AIF1L: variants seen among roughly 807,000 people sequenced by gnomAD.
AIF1L encodes allograft inflammatory factor 1-like.
Under a neutral mutation model 20.7 loss-of-function variants are expected in AIF1L, and 12 were observed. The ratio of observed to expected loss-of-function variants is 0.58; its 90% CI spans 0.37 to 0.94. AIF1L has a LOEUF of 0.94. AIF1L is among the 40% of genes least tolerant of loss of function. The pLI is 0.01. For synonymous variants in AIF1L, 76 were observed against 65.1 expected (o/e 1.17, Z -0.81); for missense variants, 173 against 185.3 (o/e 0.93, Z 0.39).
intron 2 of AIF1L, among the ~76,000 whole-genome samples, chr9:131,105,207 C>G (rs1830719524): frequency 6.6e-6 from 1 of 152,156 alleles, no homozygotes; most frequent in Non-Finnish European, 1.5e-5. Flanking sequence ...CTGGTGGAGT[C>G]CTGTTCCTGC....
chr9:131,096,995 T>C lies in AIF1L; in HGVS notation c.93+132T>C, dbSNP rs565735081. ...TCCCTTCCCCTGGGCTTCCCTCAGG[T>C]GCCTCCCTCCGCCCCCAGCCCCGTC... On this transcript the variant is annotated intron_variant, in intron 2 of 5. Coordinates refer to ENST00000247291, the MANE Select transcript of AIF1L (RefSeq NM_031426.4). The C allele has an allele frequency of 3.9e-5, 41 of 1,038,608 alleles. No individual in the cohort carries two copies. The Admixed American group carries it at 1.6e-3, about 39-fold the overall frequency. The allele number at this position is 1,038,608 out of a possible 1,614,324, so 64.3% of individuals were successfully genotyped here. A position where few individuals can be genotyped will look rare whatever the true frequency, so the allele number is the denominator to read the frequency against.
Position 131,121,372 on chromosome 9 carries a change from C to T in AIF1L, c.*1050C>T, listed in dbSNP as rs575517345. The T allele has an allele frequency of 2.3e-6, 1 of 444,314 alleles. No homozygotes were observed. Among genetic ancestry groups the T allele is most frequent in the Non-Finnish European group, 4.0e-6 (1 of 248,602 alleles). The allele number at this position is 444,314 out of a possible 1,614,324, so 27.5% of individuals were successfully genotyped here. ...ATGTTGTCCTGGCATGTGCAGTATA[C>T]ACGGTCTAACTCATCTCTCCCCAGA... is the stretch of plus-strand genomic sequence containing the variant. On this transcript the variant is annotated 3_prime_UTR_variant, in exon 6 of 6. Transcript: ENST00000247291.
At chr9:131,106,351 C>A in intron 2 of AIF1L, 3 of 1,005,986 alleles carry the variant, frequency 3.0e-6, no homozygotes, top group Non-Finnish European at 4.5e-6. Flanking sequence ...TACATTCTAG[C>A]CGGGGAGGCA....
At position 131,120,424 on chromosome 9, in the gene AIF1L, T is replaced by C. The variant is rs946371823; in HGVS notation, c.*102T>C. ...ATCTCTCTCTCTCTCATTTGTTTGGTCATTGAGGGTTTGTTTGTGTTTTCA... is the reference window on the plus strand; with the variant it reads ...ATCTCTCTCTCTCTCATTTGTTTGGCCATTGAGGGTTTGTTTGTGTTTTCA... On this transcript the variant is annotated 3_prime_UTR_variant, in exon 6 of 6. Coordinates refer to ENST00000247291, the MANE Select transcript of AIF1L (RefSeq NM_031426.4). The C allele has an allele frequency of 2.0e-6, 2 of 980,034 alleles. No homozygotes were observed. The highest frequency in any genetic ancestry group is 3.3e-5 in the African/African-American group (2 of 60,418). 60.7% of individuals were successfully genotyped at this position (980,034 alleles called of 1,614,324 possible). A position where few individuals can be genotyped will look rare whatever the true frequency, so the allele number is the denominator to read the frequency against.
At chr9:131,097,430 T>C (rs1588177135) in intron 2 of AIF1L, among the ~76,000 whole-genome samples, 1 of 123,310 alleles carries the variant, frequency 8.1e-6, no homozygotes, top group Non-Finnish European at 1.9e-5. Flanking sequence ...AATAGAAGAC[T>C]CTGATGGGCG....
chr9:131,108,174 C>A (rs1830792326), intron 2 of AIF1L: 1 of 151,138 alleles, frequency 6.6e-6, no homozygotes, highest in African/African-American at 2.4e-5. Flanking sequence ...AGGTTCGAAA[C>A]CAACCTTCCT....
intron 4 of AIF1L, 120 bp downstream of exon 4, chr9:131,114,738 C>T (rs1161891993): frequency 6.2e-6 from 8 of 1,296,432 alleles, no homozygotes; most frequent in Admixed American, 3.4e-5. Context: ...TATGTTGCGC[C>T]GAGCCAGCCC....
intron 2 of AIF1L, among the ~76,000 whole-genome samples, chr9:131,103,335 G>A (rs1178291567): frequency 6.6e-6 from 1 of 152,224 alleles, no homozygotes; most frequent in Non-Finnish European, 1.5e-5. Flanking sequence ...TTGCCAGGAG[G>A]ACTTCAGGGC....
chr9:131,103,877 A>G (rs1564164538), intron 2 of AIF1L, among the ~76,000 whole-genome samples: 1 of 152,164 alleles, frequency 6.6e-6, no homozygotes, highest in African/African-American at 2.4e-5. Flanking sequence ...CTGGGCTCAG[A>G]GAGATGATGT....
chr9:131,112,990 C>T (rs763668708), intron 3 of AIF1L, among the ~76,000 whole-genome samples: 11 of 152,068 alleles, frequency 7.2e-5, no homozygotes, highest in Non-Finnish European at 1.3e-4. Flanking sequence ...GTACATGTGC[C>T]AGGACCATTC....
intron 2 of AIF1L, among the ~76,000 whole-genome samples, chr9:131,105,047 G>T (rs1830716222): frequency 6.6e-6 from 1 of 152,128 alleles, no homozygotes; most frequent in Non-Finnish European, 1.5e-5. Flanking sequence ...TGGACCCAGG[G>T]TCAGGGCAGC....
At chr9:131,110,188 G>A (rs1012070308) in intron 2 of AIF1L, among the ~76,000 whole-genome samples, 12 of 152,198 alleles carry the variant, frequency 7.9e-5, no homozygotes, top group Non-Finnish European at 1.5e-4. Flanking sequence ...TTCCAGCCTG[G>A]ATGACAGAGC....
At chr9:131,099,926 C>T (rs899422817) in intron 2 of AIF1L, among the ~76,000 whole-genome samples, 1 of 151,964 alleles carries the variant, frequency 6.6e-6, no homozygotes, top group Non-Finnish European at 1.5e-5. Flanking sequence ...AGGGTTTCAC[C>T]GTGTTGGTCA....
intron 2 of AIF1L, among the ~76,000 whole-genome samples, chr9:131,097,204 G>A (rs1458533508): frequency 6.6e-6 from 1 of 152,224 alleles, no homozygotes; most frequent in African/African-American, 2.4e-5. Context: ...AAGGGCCCTA[G>A]GCCAGTGATC....
chr9:131,101,718 G>A (rs980101032), intron 2 of AIF1L, among the ~76,000 whole-genome samples: 1 of 152,140 alleles, frequency 6.6e-6, no homozygotes, highest in African/African-American at 2.4e-5. Flanking sequence ...CAGCCAGGAA[G>A]TGGCAGATCT....
In AIF1L at chr9:131,120,449, A is replaced by C; in HGVS notation, c.*127A>C. 1.2e-6 allele frequency: 1 copy of C among 804,360 alleles called. No individual in the cohort carries two copies. Among genetic ancestry groups the C allele is most frequent in the South Asian group, 2.0e-5 (1 of 50,238 alleles). 49.8% of individuals were successfully genotyped at this position (804,360 alleles called of 1,614,324 possible). A position where few individuals can be genotyped will look rare whatever the true frequency, so the allele number is the denominator to read the frequency against. On this transcript the variant is annotated 3_prime_UTR_variant, in exon 6 of 6. Coordinates refer to ENST00000247291, the MANE Select transcript of AIF1L (RefSeq NM_031426.4). Reference sequence around the variant, plus strand: ...TCATTGAGGGTTTGTTTGTGTTTTCATCAATGTCTTTGTAAAGCACAAATT... The same window carrying C: ...TCATTGAGGGTTTGTTTGTGTTTTCCTCAATGTCTTTGTAAAGCACAAATT...
intron 2 of AIF1L, chr9:131,106,238 C>T (rs1216116151): frequency 1.8e-5 from 28 of 1,535,264 alleles, no homozygotes; most frequent in Non-Finnish European, 2.4e-5. Context: ...GTTCCCAGCA[C>T]AGCTGCTTGC....
At position 131,111,650 on chromosome 9, in the gene AIF1L, C is replaced by T; in HGVS notation, c.147C>T (p.Leu49=). The change falls in exon 3 of 6, where the codon CTC becomes CTT. Residue 49 remains leucine, a synonymous_variant. Transcript: ENST00000247291. ...ATGAAGAGAACCTTCCAGAAAAGCT[C>T]ACAGCCTTCAAAGGTAAGCTGGGGC... ...YSDEENLPEK[L]TAFKEKYMEF... is the part of the protein sequence containing the mutation. 6.2e-7 allele frequency: 1 copy of T among 1,614,048 alleles called. No individual in the cohort carries two copies. The highest frequency in any genetic ancestry group is 1.3e-5 in the African/African-American group (1 of 75,048).
intron 2 of AIF1L, among the ~76,000 whole-genome samples, chr9:131,106,765 G>A (rs944692104): frequency 1.1e-5 from 1 of 89,678 alleles, no homozygotes; most frequent in East Asian, 4.3e-4. Context: ...AAATAGGGTC[G>A]GCCGCATTGA....
Sources: gnomAD v4.1 joint callset for allele counts (sites outside exome capture counted in the v4.1 genomes callset) on GRCh38, gnomAD v4.1.1 for gene constraint, MANE v1.5 for transcripts, NCBI Gene and HGNC (gene_info 2026-07-23, HGNC 2026-07-21) for gene names.